Variants in CMSS1 observed in about 807,000 individuals in gnomAD.
CMSS1 encodes the protein cms1 ribosomal small subunit homolog.
A neutral mutation model predicts 43.5 loss-of-function variants in CMSS1; 33 were observed. The ratio of observed to expected loss-of-function variants is 0.76; its 90% CI spans 0.57 to 1.01. CMSS1 has a LOEUF of 1.01. Ranked by LOEUF, CMSS1 falls within the 50% of genes least tolerant of loss-of-function variation. The probability of loss-of-function intolerance (pLI) is 0.00; values close to 1 mark genes in which losing one functional copy is unlikely to be tolerated. For missense variants in CMSS1, 313 were observed against 326.4 expected, an observed-to-expected ratio of 0.96 and a Z score of 0.32; for synonymous variants, 115 against 117.2, an observed-to-expected ratio of 0.98 and a Z score of 0.12.
chr3:100,119,158 A>G (rs772155684), intron 1 of CMSS1, among the ~76,000 whole-genome samples: 5 of 152,204 alleles, frequency 3.3e-5, no homozygotes, highest in African/African-American at 4.8e-5. Flanking sequence ...AGATTTTACA[A>G]TTATTACTGC....
chr3:99,878,118 A>G (rs780895305), intron 1 of CMSS1, among the ~76,000 whole-genome samples: 1 of 152,140 alleles, frequency 6.6e-6, no homozygotes, highest in African/African-American at 2.4e-5. Context: ...CTGGTACACT[A>G]CTTGCCTGGT....
At chr3:100,078,103 T>A (rs2065877883) in intron 1 of CMSS1, among the ~76,000 whole-genome samples, 1 of 152,108 alleles carries the variant, frequency 6.6e-6, no homozygotes, top group African/African-American at 2.4e-5. Flanking sequence ...TAATATATGC[T>A]GGTTTGATAA....
At chr3:100,014,807 A>AT (rs201338660) in intron 1 of CMSS1, among the ~76,000 whole-genome samples, 3,092 of 64,502 alleles carry the variant, frequency 0.048, 75 homozygotes, top group African/African-American at 0.1. Flanking sequence ...CATTCTATTG[A>AT]TTTTTTTTTT....
chr3:100,064,620 G>A (rs2065630863), intron 1 of CMSS1, among the ~76,000 whole-genome samples: 1 of 152,184 alleles, frequency 6.6e-6, no homozygotes, highest in African/African-American at 2.4e-5. Context: ...CAGAGGAAGG[G>A]AGACTGGCAA....
intron 1 of CMSS1, among the ~76,000 whole-genome samples, chr3:99,998,264 G>T (rs1709739505): frequency 6.6e-6 from 1 of 152,148 alleles, no homozygotes; most frequent in South Asian, 2.1e-4. Flanking sequence ...ATCTATCCTA[G>T]ATATCCCTAA....
chr3:99,999,562 C>G (rs1709783524), intron 1 of CMSS1, among the ~76,000 whole-genome samples: 1 of 152,170 alleles, frequency 6.6e-6, no homozygotes, highest in Non-Finnish European at 1.5e-5. Flanking sequence ...AAATCCTTGC[C>G]TTGGGAACTT....
intron 1 of CMSS1, among the ~76,000 whole-genome samples, chr3:100,082,021 A>T (rs1427186627): frequency 6.6e-6 from 1 of 152,222 alleles, no homozygotes; most frequent in African/African-American, 2.4e-5. Context: ...AAACTGTTCC[A>T]GTATCTTATG....
chr3:100,041,760 C>A (rs996267823), intron 1 of CMSS1, among the ~76,000 whole-genome samples: 1 of 152,116 alleles, frequency 6.6e-6, no homozygotes, highest in Non-Finnish European at 1.5e-5. Flanking sequence ...GGTTTTAGAC[C>A]TACCAGAGAT....
chr3:99,918,069 T>C (rs1256533990), intron 1 of CMSS1, among the ~76,000 whole-genome samples: 2 of 152,054 alleles, frequency 1.3e-5, no homozygotes, highest in Non-Finnish European at 2.9e-5. Flanking sequence ...CCTCCACCTC[T>C]TGGGTTCAAG....
At chr3:100,001,826 G>A (rs1486885906) in intron 1 of CMSS1, among the ~76,000 whole-genome samples, 2 of 152,208 alleles carry the variant, frequency 1.3e-5, no homozygotes, top group African/African-American at 2.4e-5. Context: ...AAAGGGATGG[G>A]TGTCTTGTTG....
At chr3:99,938,089 G>GCA (rs1332912369) in intron 1 of CMSS1, among the ~76,000 whole-genome samples, 6 of 152,002 alleles carry the variant, frequency 3.9e-5, no homozygotes, top group Admixed American at 2.0e-4. Flanking sequence ...GCGCGCGCGC[G>GCA]CGTGCATGCA....
At chr3:100,151,020 C>T (rs2066902954) in intron 2 of CMSS1, among the ~76,000 whole-genome samples, 1 of 152,140 alleles carries the variant, frequency 6.6e-6, no homozygotes, top group Non-Finnish European at 1.5e-5. Context: ...ATAAAGGAAT[C>T]TTCAGCAGGA....
intron 1 of CMSS1, chr3:99,930,009 G>T: frequency 6.2e-7 from 1 of 1,611,728 alleles, no homozygotes; most frequent in Non-Finnish European, 8.5e-7. Flanking sequence ...CCTTTAAAAT[G>T]CCTATGACCT....
At chr3:100,080,438 G>C (rs994985175) in intron 1 of CMSS1, among the ~76,000 whole-genome samples, 22 of 152,140 alleles carry the variant, frequency 1.4e-4, no homozygotes, top group African/African-American at 5.3e-4. Flanking sequence ...ATGTTAAAAT[G>C]TAGATTTTGG....
chr3:99,824,119 C>CA (rs1942492331), intron 1 of CMSS1, among the ~76,000 whole-genome samples: 1 of 152,022 alleles, frequency 6.6e-6, no homozygotes, highest in Non-Finnish European at 1.5e-5. Flanking sequence ...GACGGGATTT[C>CA]ACCATGTTGA....
chr3:100,017,234 T>C (rs537274286), intron 1 of CMSS1, among the ~76,000 whole-genome samples: 1 of 152,342 alleles, frequency 6.6e-6, no homozygotes, highest in Non-Finnish European at 1.5e-5. Flanking sequence ...TGGAGAAAAG[T>C]CCCATCCAGT....
intron 1 of CMSS1, among the ~76,000 whole-genome samples, chr3:99,859,628 T>C (rs558141494): frequency 6.6e-6 from 1 of 152,238 alleles, no homozygotes; most frequent in Non-Finnish European, 1.5e-5. Context: ...TCCCATTTTA[T>C]CTTTTAGCAA....
In CMSS1 at chr3:100,162,437, A is replaced by G. The variant is rs1227847049; in HGVS notation, c.355+5A>G. 4 of 1,606,526 alleles carry G rather than the reference A, an allele frequency of 2.5e-6. No individual in the cohort carries two copies. The highest frequency in any genetic ancestry group is 2.2e-5 in the East Asian group (1 of 44,794). On this transcript the variant is annotated splice_donor_5th_base_variant and intron_variant, in intron 4 of 9. Coordinates refer to ENST00000421999, the MANE Select transcript of CMSS1 (RefSeq NM_032359.4). ...TAGAAGAACTGAACCTGCCAGGTATAGCCAAGCTTCAATTTTCCTAAAGAC... is the reference window on the plus strand; with the variant it reads ...TAGAAGAACTGAACCTGCCAGGTATGGCCAAGCTTCAATTTTCCTAAAGAC...
chr3:99,932,145 A>T (rs1707501790), intron 1 of CMSS1, among the ~76,000 whole-genome samples: 2 of 152,194 alleles, frequency 1.3e-5, no homozygotes, highest in African/African-American at 4.8e-5. Flanking sequence ...TTATAGATGT[A>T]TTATAATGTA....
Sources: gnomAD v4.1 joint callset for allele counts (sites outside exome capture counted in the v4.1 genomes callset) on GRCh38, gnomAD v4.1.1 for gene constraint, MANE v1.5 for transcripts, NCBI Gene and HGNC (gene_info 2026-07-23, HGNC 2026-07-21) for gene names.